ETNPPL: variants seen among roughly 807,000 people sequenced by gnomAD.
The protein encoded by ETNPPL is ethanolamine-phosphate phospho-lyase, also known as alanine--glyoxylate aminotransferase 2-like 1.
Under a neutral mutation model 55.5 loss-of-function variants are expected in ETNPPL, and 30 were observed. The ratio of observed to expected loss-of-function variants is 0.54; its 90% CI spans 0.40 to 0.73. The LOEUF is 0.73. Among genes scored for constraint, ETNPPL ranks in the 30% least tolerant of loss-of-function variants. The probability of loss-of-function intolerance (pLI) is 0.00; values close to 1 mark genes in which losing one functional copy is unlikely to be tolerated. For missense variants in ETNPPL, 528 were observed against 607.9 expected, an observed-to-expected ratio of 0.87 and a Z score of 1.38; for synonymous variants, 202 against 207.2, an observed-to-expected ratio of 0.98 and a Z score of 0.21.
At chr4:108,752,710 T>C (rs1560655242) in intron 6 of ETNPPL, among the ~76,000 whole-genome samples, 185 bp downstream of exon 6, 1 of 152,218 alleles carries the variant, frequency 6.6e-6, no homozygotes, top group African/African-American at 2.4e-5. Flanking sequence ...TAAATACAAG[T>C]AGACAGTCTT....
Position 108,746,451 on chromosome 4 carries a change from G to A in ETNPPL, c.1251C>T (p.Phe417=), listed in dbSNP as rs749397292. ...CCATGAACTTTGCATCTTCTTCAGTGAAGCACATAGGTGGTTTTATTTTAA... is the reference window on the plus strand; with the variant it reads ...CCATGAACTTTGCATCTTCTTCAGTAAAGCACATAGGTGGTTTTATTTTAA... ...NVLKIKPPMC[F]TEEDAKFMVD... is the part of the protein sequence containing the mutation. The change falls in exon 11 of 13, where the codon TTC becomes TTT. Residue 417 remains phenylalanine, a synonymous_variant. Transcript: ENST00000296486. 4 of 1,613,774 alleles carry A rather than the reference G, an allele frequency of 2.5e-6. No individual in the cohort carries two copies. The African/African-American group carries it at 5.3e-5, about 22-fold the overall frequency.
chr4:108,745,325 A>G (rs1346673501), intron 11 of ETNPPL, among the ~76,000 whole-genome samples: 1 of 152,172 alleles, frequency 6.6e-6, no homozygotes, highest in Non-Finnish European at 1.5e-5. Context: ...GGCCGGGTGC[A>G]GTGGCTCATG....
Position 108,749,290 on chromosome 4 carries a change from G to T in ETNPPL, c.875C>A (p.Thr292Asn), listed in dbSNP as rs780822164. ...NGHPVACVVTTKEIAEAFSSS... is the reference protein window; with the variant it reads ...NGHPVACVVTNKEIAEAFSSS... Reference sequence around the variant, plus strand: ...GCTGAAGGCTTCTGCAATTTCTTTGGTTGTTACCACACATGCCACCGGGTG... The same window carrying T: ...GCTGAAGGCTTCTGCAATTTCTTTGTTTGTTACCACACATGCCACCGGGTG... The change falls in exon 8 of 13, where the codon ACC (threonine) becomes AAC (asparagine). Residue 292 changes from threonine (T) to asparagine (N), a missense_variant. By Grantham distance (65) the Thr-to-Asn change is moderately conservative. Transcript: ENST00000296486. The T allele has an allele frequency of 6.2e-7, 1 of 1,613,814 alleles. No homozygotes were observed.
chr4:108,749,527 G>C (rs928644689), intron 7 of ETNPPL, 64 bp from the exon 8 acceptor site: 2 of 1,221,922 alleles, frequency 1.6e-6, no homozygotes, highest in African/African-American at 3.1e-5. Context: ...CACCCACAAA[G>C]ATGCAAATTA....
In ETNPPL at chr4:108,760,202, T is replaced by C. The variant is rs554440970; in HGVS notation, c.161A>G (p.Asn54Ser). Reference protein sequence around the residue: ...ENGEQYLDCINNVAHVGHCHP... With the variant: ...ENGEQYLDCISNVAHVGHCHP... The stretch of plus-strand genomic sequence containing the variant: ...AGGACATTTACCATGGGCAACATTG[T>C]TGATGCAGTCCAAGTACTGTTCACC... The change falls in exon 2 of 13, where the codon AAC becomes AGC. Residue 54 changes from asparagine (N) to serine (S), a missense_variant. By Grantham distance (46) the Asn-to-Ser change is conservative. Transcript: ENST00000296486. 6.3e-7 allele frequency: 1 copy of C among 1,598,330 alleles called. No individual in the cohort carries two copies. The highest frequency in any genetic ancestry group is 8.6e-7 in the Non-Finnish European group (1 of 1,166,168).
At chr4:108,755,575 G>C (rs985892736) in intron 4 of ETNPPL, among the ~76,000 whole-genome samples, 2 of 152,180 alleles carry the variant, frequency 1.3e-5, no homozygotes, top group Non-Finnish European at 2.9e-5. Context: ...CTAGCACTTT[G>C]GGGGGCTGAG....
At chr4:108,758,203 G>T (rs545065149) in intron 3 of ETNPPL, among the ~76,000 whole-genome samples, 2 of 151,682 alleles carry the variant, frequency 1.3e-5, no homozygotes, top group Admixed American at 6.6e-5. Flanking sequence ...TGTTGGCCAG[G>T]ATGGTCTTGA....
chr4:108,748,154 T>TGTAAAAAAAAAAAG lies in ETNPPL; in HGVS notation c.932_933insCTTTTTTTTTTTAC (p.Gly312PhefsTer20). 1 of 1,557,908 alleles carries TGTAAAAAAAAAAAG rather than the reference T, an allele frequency of 6.4e-7. No individual in the cohort carries two copies. Among genetic ancestry groups the TGTAAAAAAAAAAAG allele is most frequent in the Non-Finnish European group, 8.6e-7 (1 of 1,163,762 alleles). ...CAACAGCACAAGATACTGGATTTCCTCCATACTGTAAAAAAAAAAAAGACA... is the reference window on the plus strand; with the variant it reads ...CAACAGCACAAGATACTGGATTTCCTGTAAAAAAAAAAAGCCATACTGTAAAAAAAAAAAAGACA... On this transcript the variant is annotated frameshift_variant, in exon 9 of 13. Transcript: ENST00000296486. LOFTEE classifies it high-confidence loss of function.
chr4:108,753,808 A>AAAGAAAGAAAGAAAGAAAGAAAGAAAG (rs1560656731), intron 5 of ETNPPL, among the ~76,000 whole-genome samples: 9 of 75,138 alleles, frequency 1.2e-4, no homozygotes. Context: ...AAGAAAGAAA[A>AAAGAAAGAAAGAAAGAAAGAAAGAAAG]GAGAAGAAAA....
At chr4:108,758,279 C>T (rs1431416252) in intron 3 of ETNPPL, among the ~76,000 whole-genome samples, 2 of 151,996 alleles carry the variant, frequency 1.3e-5, no homozygotes, top group Non-Finnish European at 2.9e-5. Flanking sequence ...CATGAGCCAC[C>T]ACGCCGAACC....
chr4:108,761,121 T>A (rs564101278), intron 1 of ETNPPL, among the ~76,000 whole-genome samples: 1 of 152,330 alleles, frequency 6.6e-6, no homozygotes, highest in African/African-American at 2.4e-5. Context: ...TTTATTTGGA[T>A]GAATGGCTGG....
rs185770114 is a variant in ETNPPL at position 108,752,955 on chromosome 4, G to A, written c.558C>T (p.Ala186=). The A allele has an allele frequency of 3.1e-6, 5 of 1,612,924 alleles. No homozygotes were observed. In the East Asian group the frequency reaches 1.1e-4, roughly 36 times the overall value. Residue 186 remains alanine (A), a synonymous_variant, in exon 6 of 13, where the codon GCC becomes GCT. Transcript: ENST00000296486. ...TCTTCACTTCATCTGCATAAGCACT[G>A]GCTGAGTCTGCATGGTCTTCTCTAT... ...GKYREDHADS[A]SAYADEVKKI... is the part of the protein sequence containing the mutation.
intron 11 of ETNPPL, among the ~76,000 whole-genome samples, chr4:108,745,821 C>T (rs1728457519): frequency 2.0e-5 from 3 of 148,990 alleles, no homozygotes; most frequent in Non-Finnish European, 3.0e-5. Flanking sequence ...ATCCCGGATA[C>T]CTGGGAGGCT....
At position 108,746,790 on chromosome 4, in the gene ETNPPL, T is replaced by C. The variant is rs1157702518; in HGVS notation, c.1144A>G (p.Thr382Ala). 5.6e-6 allele frequency: 9 copies of C among 1,613,890 alleles called. No individual in the cohort carries two copies. Among genetic ancestry groups the C allele is most frequent in the Non-Finnish European group, 6.8e-6 (8 of 1,179,974 alleles). Residue 382 changes from threonine to alanine, a missense_variant, in exon 10 of 13, where the codon ACA becomes GCA. Coordinates refer to ENST00000296486, the MANE Select transcript of ETNPPL (RefSeq NM_031279.4). ...VKDHLKRTPA[T>A]AEAQHIIYKM... The stretch of plus-strand genomic sequence containing the variant: ...TAGATGATGTGCTGAGCTTCAGCTG[T>C]GGCAGGGGTCCTTTTCAGATGGTCC...
At chr4:108,759,960 T>C (rs747965735) in intron 2 of ETNPPL, 52 bp from the exon 3 acceptor site, 15 of 1,549,178 alleles carry the variant, frequency 9.7e-6, no homozygotes, top group South Asian at 3.4e-5. Context: ...TCTAAGTGCC[T>C]GGGAATAAGA....
At chr4:108,759,400 CAAAAAA>C (rs59227589) in intron 3 of ETNPPL, among the ~76,000 whole-genome samples, 17 of 70,288 alleles carry the variant, frequency 2.4e-4, no homozygotes, top group Admixed American at 1.1e-3. Flanking sequence ...GGCTCCATCT[CAAAAAA>C]AAAAAAAAAA....
At chr4:108,750,814 C>T in intron 7 of ETNPPL, 122 bp downstream of exon 7, 2 of 731,648 alleles carry the variant, frequency 2.7e-6, no homozygotes, top group East Asian at 2.7e-5. Flanking sequence ...TTGGCAGGCA[C>T]TCAGGTGTGG....
chr4:108,760,658 T>C (rs1560662448), intron 1 of ETNPPL, among the ~76,000 whole-genome samples: 4 of 152,194 alleles, frequency 2.6e-5, no homozygotes, highest in Non-Finnish European at 4.4e-5. Context: ...CCAAGTTTTT[T>C]TGGGGGGCTT....
chr4:108,758,226 G>A (rs749861234), intron 3 of ETNPPL, among the ~76,000 whole-genome samples: 5 of 151,808 alleles, frequency 3.3e-5, no homozygotes, highest in African/African-American at 9.7e-5. Context: ...TCTTGACCTC[G>A]TGATCCACCC....
Sources: allele counts gnomAD v4.1 joint callset (sites outside exome capture counted in the v4.1 genomes callset), GRCh38; gene constraint gnomAD v4.1.1; transcripts MANE v1.5; gene names NCBI Gene and HGNC (gene_info 2026-07-23, HGNC 2026-07-21).